Variants in HOMER1 observed in about 807,000 individuals in gnomAD.
HOMER1 encodes the protein homer protein homolog 1.
A neutral mutation model predicts 48.9 loss-of-function variants in HOMER1; 3 were observed. That is an observed-to-expected ratio of 0.06 (90% confidence interval 0.03 to 0.16). HOMER1 has a LOEUF of 0.16. HOMER1 is among the 10% of genes least tolerant of loss of function. The probability of loss-of-function intolerance (pLI) is 1.00; values close to 1 mark genes in which losing one functional copy is unlikely to be tolerated. For missense variants in HOMER1, 247 were observed against 411.4 expected, an observed-to-expected ratio of 0.60 and a Z score of 3.46; for synonymous variants, 134 against 146.4, an observed-to-expected ratio of 0.92 and a Z score of 0.61.
At chr5:79,506,782 A>G (rs1389430228) in intron 1 of HOMER1, among the ~76,000 whole-genome samples, 1 of 152,172 alleles carries the variant, frequency 6.6e-6, no homozygotes, top group African/African-American at 2.4e-5. Flanking sequence ...GGCTGCAGTA[A>G]GCCATGATGG....
chr5:79,473,819 A>T (rs555191324), intron 1 of HOMER1, among the ~76,000 whole-genome samples: 1 of 152,188 alleles, frequency 6.6e-6, no homozygotes, highest in Non-Finnish European at 1.5e-5. Flanking sequence ...ATAATTTTAA[A>T]AACTTTATTC....
chr5:79,386,847 A>G (rs1208688514), intron 8 of HOMER1, among the ~76,000 whole-genome samples: 1 of 152,178 alleles, frequency 6.6e-6, no homozygotes, highest in Non-Finnish European at 1.5e-5. Flanking sequence ...TACAATGATT[A>G]AAAGAAAATT....
At chr5:79,464,386 A>C (rs1245107206) in intron 1 of HOMER1, among the ~76,000 whole-genome samples, 1 of 152,236 alleles carries the variant, frequency 6.6e-6, no homozygotes, top group Admixed American at 6.5e-5. Flanking sequence ...TGGGTGACTG[A>C]AGTGGCAAGA....
At chr5:79,438,941 G>C (rs1024510100) in intron 5 of HOMER1, 69 bp downstream of exon 5, 8 of 1,401,204 alleles carry the variant, frequency 5.7e-6, no homozygotes, top group Admixed American at 3.5e-5. Flanking sequence ...TAACTACAAG[G>C]GTTCCTGAAA....
intron 8 of HOMER1, among the ~76,000 whole-genome samples, chr5:79,387,400 ATTACAGT>A (rs1749146217): frequency 1.3e-5 from 2 of 152,138 alleles, no homozygotes; most frequent in South Asian, 4.1e-4. Context: ...AAGTACTGGG[ATTACAGT>A]ACTAAACCCA....
At chr5:79,469,245 G>A (rs950210642) in intron 1 of HOMER1, among the ~76,000 whole-genome samples, 5 of 152,168 alleles carry the variant, frequency 3.3e-5, no homozygotes, top group Non-Finnish European at 7.3e-5. Flanking sequence ...TGCTTAAAAT[G>A]TTTTCCTGGC....
chr5:79,489,244 A>G (rs907570463), intron 1 of HOMER1, among the ~76,000 whole-genome samples: 3 of 152,234 alleles, frequency 2.0e-5, no homozygotes, highest in African/African-American at 7.2e-5. Context: ...ACAAACTCAT[A>G]AAACAGCCAA....
chr5:79,396,790 C>A (rs937755941), intron 8 of HOMER1, 33 bp downstream of exon 8: 3 of 1,294,420 alleles, frequency 2.3e-6, no homozygotes, highest in Admixed American at 3.6e-5. Flanking sequence ...CCTTTCTATG[C>A]AGAAGTGAAT....
intron 8 of HOMER1, among the ~76,000 whole-genome samples, chr5:79,391,771 T>G (rs551005756): frequency 6.6e-6 from 1 of 150,780 alleles, no homozygotes; most frequent in Non-Finnish European, 1.5e-5. Context: ...AAAAAGAAAC[T>G]TCACAAAGTA....
At chr5:79,447,385 C>T (rs910267313) in intron 3 of HOMER1, among the ~76,000 whole-genome samples, 1 of 152,118 alleles carries the variant, frequency 6.6e-6, no homozygotes, top group Non-Finnish European at 1.5e-5. Flanking sequence ...ATAGCTAAGT[C>T]AGACTTCAGA....
chr5:79,441,346 T>C (rs1750729831), intron 4 of HOMER1, among the ~76,000 whole-genome samples: 1 of 152,032 alleles, frequency 6.6e-6, no homozygotes, highest in African/African-American at 2.4e-5. Context: ...TCTTCTGGGA[T>C]AAATGCTCCG....
At chr5:79,415,405 A>G (rs547284466) in intron 5 of HOMER1, among the ~76,000 whole-genome samples, 35 of 152,336 alleles carry the variant, frequency 2.3e-4, no homozygotes, top group African/African-American at 8.4e-4. Context: ...CAAAAAAATG[A>G]TATCGAGGTG....
chr5:79,423,641 T>G (rs1258838838), intron 5 of HOMER1, among the ~76,000 whole-genome samples: 1 of 152,132 alleles, frequency 6.6e-6, no homozygotes, highest in East Asian at 1.9e-4. Flanking sequence ...TTTTAATGAT[T>G]ATAAAGGCAG....
chr5:79,465,584 CTTTTTTTTTT>C (rs10666507), intron 1 of HOMER1, among the ~76,000 whole-genome samples: 16 of 77,894 alleles, frequency 2.1e-4, no homozygotes, highest in Middle Eastern at 0.018. Context: ...TACATTTCTT[CTTTTTTTTTT>C]TTTTTTTTTT....
intron 4 of HOMER1, among the ~76,000 whole-genome samples, chr5:79,445,617 T>C (rs1447522738): frequency 3.3e-5 from 5 of 152,234 alleles, no homozygotes; most frequent in Non-Finnish European, 7.3e-5. Context: ...GATTTAAGTA[T>C]ACTTTAAAAG....
At chr5:79,462,624 G>A (rs1291713993) in intron 1 of HOMER1, among the ~76,000 whole-genome samples, 20 of 152,064 alleles carry the variant, frequency 1.3e-4, no homozygotes, top group Admixed American at 1.1e-3. Context: ...AGAAAGAAAC[G>A]AGGATCATAA....
chr5:79,506,120 A>T (rs201119172), intron 1 of HOMER1, among the ~76,000 whole-genome samples: 14 of 87,378 alleles, frequency 1.6e-4, no homozygotes, highest in African/African-American at 4.2e-4. Context: ...TTATTTATTT[A>T]TTTATTTTTT....
At chr5:79,394,884 A>G (rs1749341403) in intron 8 of HOMER1, among the ~76,000 whole-genome samples, 1 of 152,232 alleles carries the variant, frequency 6.6e-6, no homozygotes, top group Admixed American at 6.5e-5. Flanking sequence ...ATACATTTAG[A>G]ATTATCAACA....
intron 5 of HOMER1, among the ~76,000 whole-genome samples, chr5:79,406,804 C>A (rs538728686): frequency 6.6e-6 from 1 of 152,262 alleles, no homozygotes; most frequent in South Asian, 2.1e-4. Context: ...GCAGGAAACT[C>A]CTACACAAGA....
Sources: allele counts gnomAD v4.1 joint callset (sites outside exome capture counted in the v4.1 genomes callset), GRCh38; gene constraint gnomAD v4.1.1; transcripts MANE v1.5; gene names NCBI Gene and HGNC (gene_info 2026-07-23, HGNC 2026-07-21).